Variants in TAFA5 observed in about 807,000 individuals in gnomAD.
TAFA5 encodes the protein chemokine-like protein TAFA-5.
A neutral mutation model predicts 15.3 loss-of-function variants in TAFA5; 6 were observed. That is an observed-to-expected ratio of 0.39 (90% CI 0.21 to 0.77). The LOEUF is 0.77. TAFA5 is among the 30% of genes least tolerant of loss of function. TAFA5 has a pLI of 0.41. For synonymous variants in TAFA5, 103 were observed against 80.7 expected (o/e 1.28, Z -1.48); for missense variants, 161 against 193.1 (o/e 0.83, Z 0.98).
chr22:48,578,626 C>T (rs911303547), intron 1 of TAFA5, among the ~76,000 whole-genome samples: 1 of 152,228 alleles, frequency 6.6e-6, no homozygotes, highest in Non-Finnish European at 1.5e-5. Flanking sequence ...GCACAGGTAC[C>T]TTTGGAGGAG....
intron 1 of TAFA5, among the ~76,000 whole-genome samples, chr22:48,515,258 G>C (rs147906215): frequency 1.7e-3 from 253 of 152,200 alleles, no homozygotes; most frequent in Middle Eastern, 6.8e-3. Context: ...TTATTCCCTG[G>C]AAAGGAGCAG....
At chr22:48,503,666 C>T (rs139401644) in intron 1 of TAFA5, among the ~76,000 whole-genome samples, 359 of 152,286 alleles carry the variant, frequency 2.4e-3, no homozygotes, top group African/African-American at 2.7e-3. Flanking sequence ...TGAAAATAGA[C>T]GTGCATTTGC....
At chr22:48,558,931 A>G (rs1601578709) in intron 1 of TAFA5, among the ~76,000 whole-genome samples, 5 of 152,348 alleles carry the variant, frequency 3.3e-5, no homozygotes, top group Admixed American at 3.3e-4. Context: ...CACAATAAGC[A>G]GGTGCCAGGC....
At chr22:48,718,410 G>A (rs1193804873) in intron 3 of TAFA5, among the ~76,000 whole-genome samples, 2 of 152,170 alleles carry the variant, frequency 1.3e-5, no homozygotes, top group African/African-American at 4.8e-5. Flanking sequence ...GAAGTCAAGA[G>A]GTGTCTTGAG....
At chr22:48,735,864 T>C (rs1388912498) in intron 3 of TAFA5, among the ~76,000 whole-genome samples, 1 of 140,466 alleles carries the variant, frequency 7.1e-6, no homozygotes, top group Non-Finnish European at 1.5e-5. Context: ...ACTCCTAGAG[T>C]CCATCCCCCG....
At chr22:48,673,524 C>T (rs1927867845) in intron 2 of TAFA5, among the ~76,000 whole-genome samples, 1 of 152,176 alleles carries the variant, frequency 6.6e-6, no homozygotes, top group Non-Finnish European at 1.5e-5. Context: ...TTGGGCTCTG[C>T]TGGCCAGGAA....
intron 2 of TAFA5, among the ~76,000 whole-genome samples, chr22:48,692,903 C>A (rs1928586410): frequency 6.6e-6 from 1 of 152,246 alleles, no homozygotes; most frequent in Non-Finnish European, 1.5e-5. Context: ...GAGCCCCTCC[C>A]AGGCCACCTC....
intron 2 of TAFA5, among the ~76,000 whole-genome samples, chr22:48,698,200 A>G (rs967502090): frequency 2.6e-5 from 4 of 151,636 alleles, no homozygotes; most frequent in African/African-American, 9.7e-5. Context: ...GATGGTGACA[A>G]TAATGATGGT....
intron 2 of TAFA5, among the ~76,000 whole-genome samples, chr22:48,692,625 T>C (rs1205294271): frequency 2.0e-5 from 3 of 152,146 alleles, no homozygotes; most frequent in Non-Finnish European, 4.4e-5. Context: ...GTTAAGGATA[T>C]GAAATGAATC....
chr22:48,508,585 T>C (rs796345643), intron 1 of TAFA5, among the ~76,000 whole-genome samples: 9 of 152,346 alleles, frequency 5.9e-5, no homozygotes, highest in African/African-American at 2.4e-5. Context: ...CCTGGGTGCC[T>C]GTTGCATCCT....
chr22:48,602,297 C>CG (rs1458617054), intron 1 of TAFA5, among the ~76,000 whole-genome samples: 18 of 152,350 alleles, frequency 1.2e-4, no homozygotes, highest in African/African-American at 3.6e-4. Context: ...GGGGCCACCC[C>CG]CCCACAAGCA....
At chr22:48,616,226 G>A (rs28430506) in intron 1 of TAFA5, among the ~76,000 whole-genome samples, 51 of 152,120 alleles carry the variant, frequency 3.4e-4, no homozygotes, top group Non-Finnish European at 6.3e-4. Context: ...TGGGGACAGC[G>A]CTGCAGGCTT....
Position 48,681,947 on chromosome 22 carries a change from C to A in TAFA5, c.263-25770C>A, listed in dbSNP as rs935432693. 1.7e-5 allele frequency among the ~76,000 whole-genome samples: 2 copies of A among 118,134 alleles called. 1 individual carries two copies. The highest frequency in any genetic ancestry group is 4.1e-5 in the Non-Finnish European group (2 of 48,466). The allele number at this position is 118,134 out of a possible 152,430, so 77.5% of individuals were successfully genotyped here. A position where few individuals can be genotyped will look rare whatever the true frequency, so the allele number is the denominator to read the frequency against. On this transcript the variant is annotated intron_variant, in intron 2 of 3. Coordinates refer to ENST00000402357, the MANE Select transcript of TAFA5 (RefSeq NM_001082967.3). ...TGTCCTAGGAGCTGTGGAGTCTTTG[C>A]GAGGGTACGGGAGCTCCCCGTCAAG...
At chr22:48,557,850 G>C (rs1398923405) in intron 1 of TAFA5, among the ~76,000 whole-genome samples, 1 of 152,222 alleles carries the variant, frequency 6.6e-6, no homozygotes, top group East Asian at 1.9e-4. Flanking sequence ...CCACTGGAAG[G>C]CAATGTCCCC....
At chr22:48,589,877 A>G (rs1395358168) in intron 1 of TAFA5, among the ~76,000 whole-genome samples, 1 of 152,180 alleles carries the variant, frequency 6.6e-6, no homozygotes, top group African/African-American at 2.4e-5. Context: ...CTGTGAGAGC[A>G]GAAACTCCTG....
At chr22:48,539,060 G>C (rs778670295) in intron 1 of TAFA5, 16 of 236,190 alleles carry the variant, frequency 6.8e-5, no homozygotes, top group Non-Finnish European at 1.0e-4. Context: ...GGGAGCCTGT[G>C]GGGTGGGCAC....
At chr22:48,599,238 A>G (rs1418657710) in intron 1 of TAFA5, among the ~76,000 whole-genome samples, 1 of 151,978 alleles carries the variant, frequency 6.6e-6, no homozygotes, top group Non-Finnish European at 1.5e-5. Context: ...GTCCCAACCC[A>G]CTCAATCTGC....
chr22:48,497,414 G>T (rs904153093), intron 1 of TAFA5, among the ~76,000 whole-genome samples: 31 of 152,142 alleles, frequency 2.0e-4, no homozygotes, highest in Non-Finnish European at 4.1e-4. Context: ...CGGCATTTCC[G>T]CCTCAGCGCA....
intron 3 of TAFA5, among the ~76,000 whole-genome samples, chr22:48,726,929 T>C (rs569022054): frequency 1.3e-5 from 2 of 152,284 alleles, no homozygotes; most frequent in Admixed American, 1.3e-4. Flanking sequence ...GGAGTGTATC[T>C]CCAGGTTGGC....
Sources: allele counts gnomAD v4.1 joint callset (sites outside exome capture counted in the v4.1 genomes callset), GRCh38; gene constraint gnomAD v4.1.1; transcripts MANE v1.5; gene names NCBI Gene and HGNC (gene_info 2026-07-23, HGNC 2026-07-21).